Variants in C5orf63 observed in about 807,000 individuals in gnomAD.
C5orf63 encodes the protein glutaredoxin-like protein C5orf63.
Under a neutral mutation model 13.3 loss-of-function variants are expected in C5orf63, and 18 were observed. The observed-to-expected ratio is 1.36, with a 90% CI of 0.94 to 2.01. The LOEUF (loss-of-function observed/expected upper bound fraction) is 2.01. C5orf63 is among the 30% of genes most tolerant of loss of function. The pLI is 0.00. For missense variants in C5orf63, 118 were observed against 127.7 expected (o/e 0.92, Z 0.36); for synonymous variants, 38 against 44.7 (o/e 0.85, Z 0.60).
At chr5:127,069,413 C>T (rs1754450339) in intron 2 of C5orf63, among the ~76,000 whole-genome samples, 1 of 152,172 alleles carries the variant, frequency 6.6e-6, no homozygotes, top group Non-Finnish European at 1.5e-5. Context: ...TTAAAAAGCA[C>T]ATAATCCCAT....
At chr5:127,063,621 A>C (rs919268647) in intron 2 of C5orf63, among the ~76,000 whole-genome samples, 1 of 152,228 alleles carries the variant, frequency 6.6e-6, no homozygotes, top group East Asian at 1.9e-4. Flanking sequence ...GTGCAAAATC[A>C]AAAAGTCTAC....
exon 5 of C5orf63, chr5:127,045,909 G>A (rs1457526298): frequency 2.0e-5 from 3 of 152,172 alleles, no homozygotes; most frequent in Admixed American, 6.5e-5. Flanking sequence ...AAGGCATCAC[G>A]TAATGTAAAT....
In C5orf63 at chr5:127,052,659, G is replaced by T. The variant is rs745777421; in HGVS notation, c.125C>A (p.Pro42His). Residue 42 changes from proline (P) to histidine (H), a missense_variant, in exon 4 of 5, where the codon CCC becomes CAC. Physicochemically the swap from Pro to His is moderately conservative, Grantham distance 77. Coordinates refer to ENST00000296662, the MANE Select transcript of C5orf63 (RefSeq NM_001164478.2). ...TACTTCCTTGGCTTCATCACAAAGG[G>T]GGCATGGGTCCTACAGGAAGAAAAA... ...VLTLFTKDPC[P>H]LCDEAKEVLK... is the part of the protein sequence containing the mutation. 1.3e-6 allele frequency: 2 copies of T among 1,506,268 alleles called. No individual in the cohort carries two copies. Among genetic ancestry groups the T allele is most frequent in the African/African-American group, 1.4e-5 (1 of 71,026 alleles). The allele number at this position is 1,506,268 out of a possible 1,614,324, so 93.3% of individuals were successfully genotyped here. A position where few individuals can be genotyped will look rare whatever the true frequency, so the allele number is the denominator to read the frequency against.
chr5:127,045,940 C>T (rs1458084322), exon 5 of C5orf63: 1 of 152,230 alleles, frequency 6.6e-6, no homozygotes, highest in Non-Finnish European at 1.5e-5. Flanking sequence ...TCTCCCATTC[C>T]TAGTTCCACC....
chr5:127,054,566 C>T (rs965655780), intron 3 of C5orf63, among the ~76,000 whole-genome samples: 3 of 152,122 alleles, frequency 2.0e-5, no homozygotes, highest in South Asian at 2.1e-4. Context: ...ATCCTTTGCC[C>T]ACTTTTTGAT....
chr5:127,069,561 A>G (rs1241968923), intron 2 of C5orf63, among the ~76,000 whole-genome samples: 1 of 152,232 alleles, frequency 6.6e-6, no homozygotes, highest in Non-Finnish European at 1.5e-5. Context: ...AACCTAAAAG[A>G]TGTTTCATTC....
At chr5:127,047,729 A>C, downstream of C5orf63, 1 of 704,030 alleles carries the variant, frequency 1.4e-6, no homozygotes, top group Non-Finnish European at 2.6e-6. Context: ...CTCAGGCAAT[A>C]GAATGCCCCA....
intron 3 of C5orf63, among the ~76,000 whole-genome samples, chr5:127,053,406 TTA>T (rs1753759599): frequency 6.6e-6 from 1 of 151,756 alleles, no homozygotes; most frequent in Non-Finnish European, 1.5e-5. Context: ...TATTTTGTTA[TTA>T]TACTTTTATT....
chr5:127,072,847 A>G (rs931967183), intron 1 of C5orf63, among the ~76,000 whole-genome samples: 10 of 152,190 alleles, frequency 6.6e-5, no homozygotes, highest in South Asian at 2.1e-4. Flanking sequence ...TCAGAAGTGA[A>G]TATCTGTTGA....
At chr5:127,056,354 AAGACTG>A (rs1753885722) in intron 3 of C5orf63, 2 of 152,296 alleles carry the variant, frequency 1.3e-5, no homozygotes, top group Non-Finnish European at 2.9e-5. Flanking sequence ...ATATATACCC[AAGACTG>A]GGCAATTTAT....
intron 2 of C5orf63, among the ~76,000 whole-genome samples, chr5:127,065,120 T>C (rs10519919): frequency 0.02 from 3,116 of 152,306 alleles, 77 homozygotes; most frequent in South Asian, 0.12. Flanking sequence ...GTTATACAGA[T>C]TCAGGAGAAA....
chr5:127,047,811 T>C, downstream of C5orf63: 1 of 703,916 alleles, frequency 1.4e-6, no homozygotes, highest in South Asian at 1.5e-5. Context: ...GGTTTAAAGT[T>C]AAGTTGTATC....
chr5:127,051,881 C>A lies in C5orf63; in HGVS notation c.238G>T (p.Asp80Tyr). 1 of 1,535,556 alleles carries A rather than the reference C, an allele frequency of 6.5e-7. No homozygotes were observed. The highest frequency in any genetic ancestry group is 8.7e-7 in the Non-Finnish European group (1 of 1,146,148). The change falls in exon 5 of 5, where the codon GAT (aspartate) becomes TAT (tyrosine). Residue 80 changes from aspartate (D) to tyrosine (Y), a missense_variant. Coordinates refer to ENST00000296662, the MANE Select transcript of C5orf63 (RefSeq NM_001164478.2). ...NSVWYERYKF[D>Y]IPVFHLNGQF... ...CCATTCAAGTGAAAGACAGGAATAT[C>A]AAATTTATACCTTTCATACCAGACA... is the stretch of plus-strand genomic sequence containing the variant.
intron 4 of C5orf63, chr5:127,052,284 T>C (rs756724476): frequency 6.4e-5 from 21 of 327,328 alleles, no homozygotes; most frequent in Non-Finnish European, 1.1e-4. Flanking sequence ...GGTGTGATGG[T>C]GTGTTACGTG....
At chr5:127,067,498 C>T (rs1754375357) in intron 2 of C5orf63, among the ~76,000 whole-genome samples, 2 of 152,108 alleles carry the variant, frequency 1.3e-5, no homozygotes, top group African/African-American at 4.8e-5. Flanking sequence ...AAATATTCAA[C>T]ATATTTATCT....
intron 4 of C5orf63, 107 bp from the exon 5 acceptor site, chr5:127,052,054 G>T: frequency 2.1e-6 from 2 of 961,742 alleles, no homozygotes; most frequent in Non-Finnish European, 1.4e-6. Context: ...TTTCCTTATA[G>T]TTGTTTGTTT....
downstream of C5orf63, chr5:127,047,446 C>T: frequency 2.2e-6 from 1 of 444,542 alleles, no homozygotes; most frequent in East Asian, 3.7e-5. Flanking sequence ...ATCTACCTTT[C>T]ATTTTGCCAG....
At chr5:127,047,982 G>T, downstream of C5orf63, 1 of 622,108 alleles carries the variant, frequency 1.6e-6, no homozygotes, top group South Asian at 1.9e-5. Context: ...GTTGTATACT[G>T]GCCTACTTTC....
At chr5:127,070,791 A>C (rs1754509011) in intron 2 of C5orf63, among the ~76,000 whole-genome samples, 1 of 152,198 alleles carries the variant, frequency 6.6e-6, no homozygotes, top group Non-Finnish European at 1.5e-5. Flanking sequence ...GAAAGTGTGG[A>C]GACAGGACTG....
Sources: gnomAD v4.1 joint callset for allele counts (sites outside exome capture counted in the v4.1 genomes callset) on GRCh38, gnomAD v4.1.1 for gene constraint, MANE v1.5 for transcripts, NCBI Gene and HGNC (gene_info 2026-07-23, HGNC 2026-07-21) for gene names.